Variants in SCGN observed in about 807,000 individuals in gnomAD.
The protein encoded by SCGN is secretagogin.
A neutral mutation model predicts 39.7 loss-of-function variants in SCGN; 30 were observed. The observed-to-expected ratio is 0.76, with a 90% CI of 0.57 to 1.03. The LOEUF (loss-of-function observed/expected upper bound fraction) is 1.03. Ranked by LOEUF, SCGN falls within the 50% of genes least tolerant of loss-of-function variation. The pLI is 0.00. For missense variants in SCGN, 353 were observed against 349.4 expected (o/e 1.01, Z -0.08); for synonymous variants, 106 against 114.1 (o/e 0.93, Z 0.45).
At chr6:25,684,364 C>G (rs1242634702) in intron 7 of SCGN, among the ~76,000 whole-genome samples, 2 of 152,194 alleles carry the variant, frequency 1.3e-5, no homozygotes, top group African/African-American at 4.8e-5. Flanking sequence ...TCCGCGGATA[C>G]CAGATACCCA....
Position 25,683,338 on chromosome 6 carries a change from G to A in SCGN, c.527+1332G>A, listed in dbSNP as rs537144876. 1.2e-4 allele frequency among the ~76,000 whole-genome samples: 19 copies of A among 152,300 alleles called. No individual in the cohort carries two copies. In the South Asian group the frequency reaches 3.7e-3, roughly 30 times the overall value. On this transcript the variant is annotated intron_variant, in intron 7 of 10. Transcript: ENST00000377961. ...TCATTCAATAGATGACAATCTAGAT[G>A]AAAACAAAAGCTTGCAATCTCATGG... is the stretch of plus-strand genomic sequence containing the variant.
At chr6:25,693,451 CAAAAAAA>C (rs11376402) in intron 10 of SCGN, among the ~76,000 whole-genome samples, 8 of 48,426 alleles carry the variant, frequency 1.7e-4, no homozygotes, top group South Asian at 1.4e-3. Flanking sequence ...GACTCCGTCT[CAAAAAAA>C]AAAAAAAAAA....
At chr6:25,670,763 G>C (rs984213092) in intron 6 of SCGN, among the ~76,000 whole-genome samples, 2 of 152,166 alleles carry the variant, frequency 1.3e-5, no homozygotes, top group Non-Finnish European at 2.9e-5. Context: ...TTTGTGTCAA[G>C]CTCCATGGAG....
intron 10 of SCGN, among the ~76,000 whole-genome samples, chr6:25,699,589 CAA>C (rs35915067): frequency 5.2e-4 from 28 of 53,832 alleles, no homozygotes; most frequent in African/African-American, 1.3e-3. Flanking sequence ...AACTCTGTCT[CAA>C]AAAAAAAAAA....
intron 6 of SCGN, among the ~76,000 whole-genome samples, chr6:25,678,115 T>G (rs1256024121): frequency 6.6e-6 from 1 of 152,208 alleles, no homozygotes; most frequent in Admixed American, 6.5e-5. Context: ...TAAGACATTG[T>G]GTTCCATTTC....
intron 2 of SCGN, 41 bp downstream of exon 2, chr6:25,653,493 T>A: frequency 7.0e-7 from 1 of 1,419,058 alleles, no homozygotes; most frequent in Non-Finnish European, 9.9e-7. Context: ...TGCCTCTTAG[T>A]AAGATACGCA....
intron 3 of SCGN, among the ~76,000 whole-genome samples, chr6:25,664,584 A>G (rs931316815): frequency 3.3e-5 from 5 of 152,224 alleles, no homozygotes; most frequent in Admixed American, 3.3e-4. Flanking sequence ...ATTTTCTGTT[A>G]TTATGGAATT....
At position 25,652,418 on chromosome 6, in the gene SCGN, G is replaced by C; in HGVS notation, c.15G>C (p.Arg5=). 6.2e-7 allele frequency: 1 copy of C among 1,614,176 alleles called. No individual in the cohort carries two copies. The highest frequency in any genetic ancestry group is 8.5e-7 in the Non-Finnish European group (1 of 1,180,028). MDSS[R]EPTLGRLDAA... is the part of the protein sequence containing the mutation. ...TCGTCAACACCATGGACAGCTCCCG[G>C]GAACCGACTCTGGGGCGCTTGGACG... The change falls in exon 1 of 11, where the codon CGG becomes CGC. Residue 5 remains arginine (R), a synonymous_variant. Coordinates refer to ENST00000377961, the MANE Select transcript of SCGN (RefSeq NM_006998.4).
At chr6:25,670,181 CTAAA>C (rs1759476754) in intron 6 of SCGN, 105 bp downstream of exon 6, 6 of 818,442 alleles carry the variant, frequency 7.3e-6, no homozygotes, top group South Asian at 2.9e-5. Flanking sequence ...AAATTGAAGA[CTAAA>C]TGAATGCAAG....
chr6:25,686,597 G>A (rs1759707203), intron 7 of SCGN, among the ~76,000 whole-genome samples: 1 of 152,136 alleles, frequency 6.6e-6, no homozygotes, highest in Non-Finnish European at 1.5e-5. Flanking sequence ...CTGTGCACTA[G>A]ACACTTATCA....
rs879088552 is a variant in SCGN at position 25,664,867 on chromosome 6, A to G, written c.247-76A>G. 3 of 1,080,352 alleles carry G rather than the reference A, an allele frequency of 2.8e-6. No homozygotes were observed. The East Asian group carries it at 7.1e-5, about 26-fold the overall frequency. 66.9% of individuals were successfully genotyped at this position (1,080,352 alleles called of 1,614,324 possible). On this transcript the variant is annotated intron_variant, in intron 3 of 10. Coordinates refer to ENST00000377961, the MANE Select transcript of SCGN (RefSeq NM_006998.4). ...CTTCTGCCCTGGAATATGCACCACCATGCCTTTTACCAGGGAGCACTCTTG... is the reference window on the plus strand; with the variant it reads ...CTTCTGCCCTGGAATATGCACCACCGTGCCTTTTACCAGGGAGCACTCTTG...
chr6:25,664,792 C>T lies in SCGN; in HGVS notation c.247-151C>T. 3 of 557,402 alleles carry T rather than the reference C, an allele frequency of 5.4e-6. No homozygotes were observed. The Admixed American group carries it at 9.9e-5, about 18-fold the overall frequency. 34.5% of individuals were successfully genotyped at this position (557,402 alleles called of 1,614,324 possible). A position where few individuals can be genotyped will look rare whatever the true frequency, so the allele number is the denominator to read the frequency against. ...AATCAATGAATCAAAGAATGTCAAT[C>T]AAGAGCACAGAACTGCAAACCGAGC... On this transcript the variant is annotated intron_variant, in intron 3 of 10. Coordinates refer to ENST00000377961, the MANE Select transcript of SCGN (RefSeq NM_006998.4).
Position 25,689,195 on chromosome 6 carries a change from T to C in SCGN, c.551T>C (p.Phe184Ser). Reference protein sequence around the residue: ...LARILALQENFLLQFKMDACS... With the variant: ...LARILALQENSLLQFKMDACS... ...AGGATTCTGGCTCTTCAGGAAAACT[T>C]CCTTCTCCAATTTAAAATGGATGTA... The change falls in exon 8 of 11, where the codon TTC becomes TCC. Residue 184 changes from phenylalanine (F) to serine (S), a missense_variant. Physicochemically the swap from Phe to Ser is radical, Grantham distance 155. Coordinates refer to ENST00000377961, the MANE Select transcript of SCGN (RefSeq NM_006998.4). 6.3e-7 allele frequency: 1 copy of C among 1,596,802 alleles called. No individual in the cohort carries two copies. Among genetic ancestry groups the C allele is most frequent in the South Asian group, 1.1e-5 (1 of 89,918 alleles).
chr6:25,685,074 G>A (rs1050704834), intron 7 of SCGN, among the ~76,000 whole-genome samples: 7 of 152,150 alleles, frequency 4.6e-5, no homozygotes, highest in African/African-American at 1.7e-4. Flanking sequence ...GGAAGAAGAG[G>A]CTAAAGAATG....
chr6:25,691,048 T>G lies in SCGN; in HGVS notation c.634-8T>G. On this transcript the variant is annotated splice_polypyrimidine_tract_variant and splice_region_variant and intron_variant, in intron 9 of 10. Transcript: ENST00000377961. Reference sequence around the variant, plus strand: ...GATATTTGGGCAATTGGATCTTTTCTTTTTCAGAGTAAAACAGGAGCCCTG... The same window carrying G: ...GATATTTGGGCAATTGGATCTTTTCGTTTTCAGAGTAAAACAGGAGCCCTG... The G allele has an allele frequency of 6.2e-7, 1 of 1,611,504 alleles. No homozygotes were observed. The highest frequency in any genetic ancestry group is 8.5e-7 in the Non-Finnish European group (1 of 1,178,618).
In SCGN at chr6:25,670,042, C is replaced by T. The variant is rs373103151; in HGVS notation, c.437C>T (p.Ser146Phe). 1.2e-6 allele frequency: 2 copies of T among 1,613,838 alleles called. No individual in the cohort carries two copies. Among genetic ancestry groups the T allele is most frequent in the Non-Finnish European group, 1.7e-6 (2 of 1,179,792 alleles). The change falls in exon 6 of 11, where the codon TCT (serine) becomes TTT (phenylalanine). Residue 146 changes from serine (S) to phenylalanine (F), a missense_variant. Transcript: ENST00000377961. ...DLFLHHKKAI[S>F]EAKLEEYTGT... ...TTTCTTCACCACAAAAAGGCCATTTCTGAGGCTAAACTGGAAGAATACACT... is the reference window on the plus strand; with the variant it reads ...TTTCTTCACCACAAAAAGGCCATTTTTGAGGCTAAACTGGAAGAATACACT...
chr6:25,661,672 G>T (rs747484627), intron 3 of SCGN, 28 bp downstream of exon 3: 6 of 1,423,358 alleles, frequency 4.2e-6, no homozygotes, highest in Non-Finnish European at 6.0e-6. Context: ...ATTTTTCATG[G>T]CTCTACTCTT....
chr6:25,671,786 G>A (rs934398504), intron 6 of SCGN, among the ~76,000 whole-genome samples: 3 of 151,770 alleles, frequency 2.0e-5, no homozygotes, highest in Admixed American at 6.7e-5. Context: ...ACTGCCTGGG[G>A]TACAGAACAA....
intron 7 of SCGN, among the ~76,000 whole-genome samples, chr6:25,688,525 G>A (rs2151382157): frequency 6.6e-6 from 1 of 152,252 alleles, no homozygotes; most frequent in African/African-American, 2.4e-5. Context: ...TTGGAGGCCC[G>A]GTGCCGTGGC....
Sources: allele counts gnomAD v4.1 joint callset (sites outside exome capture counted in the v4.1 genomes callset), GRCh38; gene constraint gnomAD v4.1.1; transcripts MANE v1.5; gene names NCBI Gene and HGNC (gene_info 2026-07-23, HGNC 2026-07-21).